The following CALCRL variants were observed in gnomAD, a reference collection of about 807,000 sequenced individuals.
The protein encoded by CALCRL is calcitonin gene-related peptide type 1 receptor.
Under a neutral mutation model 60.4 loss-of-function variants are expected in CALCRL, and 27 were observed. That is an observed-to-expected ratio of 0.45 (90% confidence interval 0.33 to 0.62). CALCRL has a LOEUF of 0.62. Among genes scored for constraint, CALCRL ranks in the 20% least tolerant of loss-of-function variants. CALCRL has a pLI of 0.03. For missense variants in CALCRL, 424 were observed against 540.7 expected, an observed-to-expected ratio of 0.78 and a Z score of 2.14; for synonymous variants, 190 against 182.6, an observed-to-expected ratio of 1.04 and a Z score of -0.33.
intron 1 of CALCRL, among the ~76,000 whole-genome samples, chr2:187,423,528 T>G (rs1197260876): frequency 6.6e-6 from 1 of 152,044 alleles, no homozygotes; most frequent in Non-Finnish European, 1.5e-5. Context: ...ATTTTAATTA[T>G]CTGGTTATAA....
intron 9 of CALCRL, 52 bp downstream of exon 9, chr2:187,363,324 C>G (rs980671260): frequency 1.9e-6 from 3 of 1,553,980 alleles, no homozygotes; most frequent in Non-Finnish European, 2.6e-6. Context: ...CAGCCATGTT[C>G]CCCCTTTCCC....
chr2:187,444,065 A>G (rs1288635963), intron 1 of CALCRL, among the ~76,000 whole-genome samples: 1 of 151,662 alleles, frequency 6.6e-6, no homozygotes, highest in East Asian at 1.9e-4. Context: ...ATGGGCACTT[A>G]TAAACCATCT....
At chr2:187,402,007 G>A (rs1050769946) in intron 1 of CALCRL, among the ~76,000 whole-genome samples, 3 of 150,678 alleles carry the variant, frequency 2.0e-5, no homozygotes, top group East Asian at 3.9e-4. Flanking sequence ...AAGGAAGGAA[G>A]GCAGGAAGGA....
chr2:187,381,848 C>T (rs969576866), intron 5 of CALCRL, among the ~76,000 whole-genome samples: 4 of 152,148 alleles, frequency 2.6e-5, no homozygotes, highest in Non-Finnish European at 4.4e-5. Context: ...GCAATATCGG[C>T]ATTTATCTAG....
intron 9 of CALCRL, among the ~76,000 whole-genome samples, chr2:187,363,106 T>C (rs1294083069): frequency 1.3e-5 from 2 of 152,118 alleles, no homozygotes; most frequent in African/African-American, 2.4e-5. Flanking sequence ...AAGAAATTAT[T>C]ACACTTTTTT....
intron 1 of CALCRL, among the ~76,000 whole-genome samples, chr2:187,393,138 A>G (rs990614879): frequency 2.6e-5 from 4 of 152,092 alleles, no homozygotes; most frequent in Admixed American, 1.3e-4. Context: ...ATGTCCTCAA[A>G]GTGTGAGGTT....
chr2:187,443,742 T>C (rs989941571), intron 1 of CALCRL, among the ~76,000 whole-genome samples: 1 of 151,748 alleles, frequency 6.6e-6, no homozygotes, highest in Non-Finnish European at 1.5e-5. Flanking sequence ...GATGACATTC[T>C]TTTCCCATGG....
Position 187,345,092 on chromosome 2 carries a change from A to G in CALCRL, c.*1092T>C, listed in dbSNP as rs1018900653. 2.0e-5 allele frequency: 3 copies of G among 152,210 alleles called. No individual in the cohort carries two copies. The allele number at this position is 152,210 out of a possible 1,614,324, so 9.4% of individuals were successfully genotyped here. A position where few individuals can be genotyped will look rare whatever the true frequency, so the allele number is the denominator to read the frequency against. ...GCTGGCATCTGGTTGTCTTTAAAATATTTACCAAATATAGCATTCCAGACT... is the reference window on the plus strand; with the variant it reads ...GCTGGCATCTGGTTGTCTTTAAAATGTTTACCAAATATAGCATTCCAGACT... On this transcript the variant is annotated 3_prime_UTR_variant, in exon 15 of 15. Transcript: ENST00000392370.
chr2:187,387,509 A>T lies in CALCRL; in HGVS notation c.-201-16T>A, dbSNP rs748949969. ...ATTAGACGATCTTGAGAAAAATATA[A>T]CCAAAATACCATGAATCATTGTATT... On this transcript the variant is annotated splice_polypyrimidine_tract_variant and intron_variant, in intron 2 of 14. Coordinates refer to ENST00000392370, the MANE Select transcript of CALCRL (RefSeq NM_005795.6). 1.5e-5 allele frequency: 5 copies of T among 331,156 alleles called. No individual in the cohort carries two copies. The highest frequency in any genetic ancestry group is 2.2e-5 in the Non-Finnish European group (4 of 185,612). The allele number at this position is 331,156 out of a possible 1,614,324, so 20.5% of individuals were successfully genotyped here. A position where few individuals can be genotyped will look rare whatever the true frequency, so the allele number is the denominator to read the frequency against.
intron 1 of CALCRL, among the ~76,000 whole-genome samples, chr2:187,417,406 T>A (rs907977912): frequency 6.6e-6 from 1 of 152,088 alleles, no homozygotes; most frequent in Admixed American, 6.5e-5. Flanking sequence ...TTTATGCTGG[T>A]GAGGTTTATT....
intron 1 of CALCRL, among the ~76,000 whole-genome samples, chr2:187,427,297 G>C (rs543495993): frequency 6.0e-4 from 92 of 152,264 alleles, no homozygotes; most frequent in African/African-American, 2.2e-3. Context: ...TATGTGGTAA[G>C]GGTATGGATA....
At chr2:187,440,888 A>T (rs965983478) in intron 1 of CALCRL, among the ~76,000 whole-genome samples, 1 of 152,116 alleles carries the variant, frequency 6.6e-6, no homozygotes, top group African/African-American at 2.4e-5. Context: ...AATTCAATTA[A>T]TTAAAAAATT....
In CALCRL at chr2:187,359,239, A is replaced by G; in HGVS notation, c.815T>C (p.Ile272Thr). 1 of 1,587,342 alleles carries G rather than the reference A, an allele frequency of 6.3e-7. No individual in the cohort carries two copies. Among genetic ancestry groups the G allele is most frequent in the South Asian group, 1.1e-5 (1 of 87,102 alleles). The change falls in exon 11 of 15, where the codon ATT (isoleucine) becomes ACT (threonine). Residue 272 changes from isoleucine to threonine, a missense_variant. This residue lies in a region of CALCRL where 222 missense variants were observed against 265.6 expected (regional missense o/e 0.84). Transcript: ENST00000392370. ...FPLIPACIHA[I>T]ARSLYYNDNC... ...GTCATTGTAATATAAGCTTCTAGCA[A>G]TGGCATGTATACAAGCAGGAATCAG...
intron 14 of CALCRL, 38 bp downstream of exon 14, chr2:187,351,882 A>C: frequency 1.6e-6 from 2 of 1,246,238 alleles, no homozygotes; most frequent in Non-Finnish European, 2.3e-6. Flanking sequence ...CAGATAGCAA[A>C]TATAAAATAA....
chr2:187,426,824 G>A (rs1191774198), intron 1 of CALCRL, among the ~76,000 whole-genome samples: 1 of 151,862 alleles, frequency 6.6e-6, no homozygotes, highest in African/African-American at 2.4e-5. Context: ...CAGGCAGGCT[G>A]GTTTTAAAGT....
In CALCRL at chr2:187,359,088, T is replaced by C. The variant is rs1331726611; in HGVS notation, c.884A>G (p.His295Arg). Reference sequence around the variant, plus strand: ...CAGTAAAGCAGCACAAATTGGGCCATGGATAATGTAGAGGAGATGGGTATC... The same window carrying C: ...CAGTAAAGCAGCACAAATTGGGCCACGGATAATGTAGAGGAGATGGGTATC... ...SSDTHLLYII[H>R]GPICAALLVN... Residue 295 changes from histidine to arginine, a missense_variant, in exon 12 of 15, where the codon CAT (histidine) becomes CGT (arginine). His to Arg is a conservative substitution (Grantham distance 29, BLOSUM62 0). This residue lies in a region of CALCRL where 222 missense variants were observed against 265.6 expected (regional missense o/e 0.84). Coordinates refer to ENST00000392370, the MANE Select transcript of CALCRL (RefSeq NM_005795.6). 1 of 1,613,218 alleles carries C rather than the reference T, an allele frequency of 6.2e-7. No homozygotes were observed. The highest frequency in any genetic ancestry group is 8.5e-7 in the Non-Finnish European group (1 of 1,179,286).
intron 10 of CALCRL, 21 bp downstream of exon 10, chr2:187,360,577 A>G (rs1181655147): frequency 6.3e-7 from 1 of 1,590,268 alleles, no homozygotes. Context: ...TGAATCAACA[A>G]GTATGTATAA....
chr2:187,379,272 A>AT lies in CALCRL; in HGVS notation c.409-242dup, dbSNP rs570656286. Among the ~76,000 whole-genome samples the AT allele has an allele frequency of 1.2e-4, 19 of 152,144 alleles. No individual in the cohort carries two copies. In the East Asian group the frequency reaches 2.9e-3, roughly 23 times the overall value. ...TGTATGCCTTTTTATTTTTTTAATA[A>AT]TTTTTTAAAAAATTAGAAGTCAAAT... On this transcript the variant is annotated intron_variant, in intron 7 of 14. Coordinates refer to ENST00000392370, the MANE Select transcript of CALCRL (RefSeq NM_005795.6).
chr2:187,367,232 C>T (rs998394372), intron 8 of CALCRL, among the ~76,000 whole-genome samples: 1 of 152,048 alleles, frequency 6.6e-6, no homozygotes, highest in Non-Finnish European at 1.5e-5. Flanking sequence ...AAACCAAAGA[C>T]TGCTGCTTTG....
Sources: allele counts gnomAD v4.1 joint callset (sites outside exome capture counted in the v4.1 genomes callset), GRCh38; gene constraint gnomAD v4.1.1; regional missense constraint gnomAD v4.1.1; transcripts MANE v1.5; gene names NCBI Gene and HGNC (gene_info 2026-07-23, HGNC 2026-07-21).